The following MYO5A variants were observed in gnomAD, a reference collection of about 807,000 sequenced individuals.
MYO5A encodes the protein myosin VA, also known as unconventional myosin-Va.
A neutral mutation model predicts 249.7 loss-of-function variants in MYO5A; 98 were observed. The observed-to-expected ratio is 0.39, with a 90% CI of 0.33 to 0.46. The LOEUF (loss-of-function observed/expected upper bound fraction) is 0.46, where lower values mean the gene tolerates loss of function less well. MYO5A is among the 20% of genes least tolerant of loss of function. The probability of loss-of-function intolerance (pLI) is 0.98; values close to 1 mark genes in which losing one functional copy is unlikely to be tolerated. For missense variants in MYO5A, 1,696 were observed against 2,308.8 expected (o/e 0.73, Z 5.44); for synonymous variants, 778 against 810.6 (o/e 0.96, Z 0.68).
chr15:52,396,221 C>T, intron 11 of MYO5A, 95 bp downstream of exon 11: 2 of 799,002 alleles, frequency 2.5e-6, no homozygotes, highest in East Asian at 2.7e-5. Context: ...AATTTTAATT[C>T]ACAACTTCAT....
At chr15:52,429,074 G>A (rs933122900) in intron 2 of MYO5A, among the ~76,000 whole-genome samples, 6 of 152,088 alleles carry the variant, frequency 3.9e-5, no homozygotes, top group South Asian at 2.1e-4. Context: ...AGGCAAGTCC[G>A]GCATGTGGTA....
chr15:52,463,190 C>G (rs557614333), intron 1 of MYO5A, among the ~76,000 whole-genome samples: 1 of 152,192 alleles, frequency 6.6e-6, no homozygotes, highest in Non-Finnish European at 1.5e-5. Context: ...CATAAGCAAA[C>G]AAAGACTCTA....
intron 1 of MYO5A, among the ~76,000 whole-genome samples, chr15:52,518,494 T>C (rs371474949): frequency 4.6e-5 from 7 of 152,216 alleles, no homozygotes; most frequent in African/African-American, 1.7e-4. Context: ...TATTAAGATA[T>C]ACATTTCCCA....
intron 9 of MYO5A, among the ~76,000 whole-genome samples, chr15:52,402,966 A>T (rs1174930495): frequency 6.6e-6 from 1 of 152,262 alleles, no homozygotes; most frequent in African/African-American, 2.4e-5. Flanking sequence ...AACAAAGTTG[A>T]CAAGCACCGG....
chr15:52,347,823 A>T (rs908218844), intron 29 of MYO5A, among the ~76,000 whole-genome samples: 2 of 152,146 alleles, frequency 1.3e-5, no homozygotes, highest in African/African-American at 4.8e-5. Context: ...TGTTTTGTAA[A>T]TATTTTAGTA....
intron 12 of MYO5A, 45 bp downstream of exon 12, chr15:52,391,885 T>A (rs1595582954): frequency 6.3e-7 from 1 of 1,587,656 alleles, no homozygotes; most frequent in Non-Finnish European, 8.6e-7. Flanking sequence ...CTGACCTTGA[T>A]ACATCTATTT....
intron 25 of MYO5A, among the ~76,000 whole-genome samples, chr15:52,359,326 T>C (rs910358253): frequency 6.6e-6 from 1 of 152,230 alleles, no homozygotes; most frequent in Non-Finnish European, 1.5e-5. Flanking sequence ...TTTTAAAAGA[T>C]CTTAGAATTG....
chr15:52,417,217 T>C (rs2043544015), intron 4 of MYO5A, among the ~76,000 whole-genome samples: 3 of 152,216 alleles, frequency 2.0e-5, no homozygotes, highest in African/African-American at 7.2e-5. Context: ...TTCTTATGTG[T>C]ACAAATCTCA....
At chr15:52,503,224 G>A (rs1159415123) in intron 1 of MYO5A, among the ~76,000 whole-genome samples, 1 of 152,106 alleles carries the variant, frequency 6.6e-6, no homozygotes, top group Non-Finnish European at 1.5e-5. Flanking sequence ...AATAGGGAAG[G>A]TGATGGCTAT....
intron 1 of MYO5A, among the ~76,000 whole-genome samples, chr15:52,517,373 A>G (rs1161537951): frequency 1.3e-5 from 2 of 152,240 alleles, no homozygotes; most frequent in Non-Finnish European, 2.9e-5. Flanking sequence ...ATGACTGAAT[A>G]TTATGCTGCC....
At chr15:52,391,762 AT>A (rs1424269900) in intron 12 of MYO5A, among the ~76,000 whole-genome samples, 167 bp downstream of exon 12, 1 of 152,202 alleles carries the variant, frequency 6.6e-6, no homozygotes, top group Non-Finnish European at 1.5e-5. Context: ...TTCACTTGTA[AT>A]TAGAACCCTT....
At chr15:52,488,540 A>G (rs369738270) in intron 1 of MYO5A, among the ~76,000 whole-genome samples, 15 of 152,352 alleles carry the variant, frequency 9.8e-5, no homozygotes, top group East Asian at 5.8e-4. Context: ...AATTAATTAT[A>G]CAAGAACTCT....
intron 36 of MYO5A, 179 bp from the exon 37 acceptor site, chr15:52,323,623 T>G: frequency 3.6e-6 from 2 of 551,786 alleles, no homozygotes; most frequent in Non-Finnish European, 6.5e-6. Context: ...AGCGACCAGG[T>G]TCATCAGTTT....
rs1480298863 is a variant in MYO5A, at chr15:52,482,405, G to T, written c.27+46375C>A. Among the ~76,000 whole-genome samples the T allele has an allele frequency of 3.3e-5, 5 of 152,158 alleles. 1 individual carries two copies. The highest frequency in any genetic ancestry group is 2.9e-5 in the Non-Finnish European group (2 of 68,026). On this transcript the variant is annotated intron_variant, in intron 1 of 41. Transcript: ENST00000399233. ...TGCTGAAGAGGGAAGAGGATAGCCAGAGCTGGGAAAAAGAGGAGTCAACAT... is the reference window on the plus strand; with the variant it reads ...TGCTGAAGAGGGAAGAGGATAGCCATAGCTGGGAAAAAGAGGAGTCAACAT...
At chr15:52,482,588 T>C (rs2076736742) in intron 1 of MYO5A, among the ~76,000 whole-genome samples, 1 of 151,914 alleles carries the variant, frequency 6.6e-6, no homozygotes, top group African/African-American at 2.4e-5. Context: ...CAAAAACAAC[T>C]CAACAAGGTG....
chr15:52,378,886 C>A (rs1230666115), intron 18 of MYO5A, among the ~76,000 whole-genome samples: 8 of 152,068 alleles, frequency 5.3e-5, no homozygotes, highest in Admixed American at 2.6e-4. Context: ...ATGGCGGGGC[C>A]CAGCAATCTG....
At chr15:52,343,075 C>G in intron 31 of MYO5A, 42 bp downstream of exon 31, 1 of 1,539,602 alleles carries the variant, frequency 6.5e-7, no homozygotes, top group East Asian at 2.2e-5. Context: ...GTAAGAAAAA[C>G]AACAAATTAA....
intron 21 of MYO5A, among the ~76,000 whole-genome samples, chr15:52,371,778 G>A (rs1018252063): frequency 2.0e-5 from 3 of 151,860 alleles, no homozygotes; most frequent in African/African-American, 7.3e-5. Flanking sequence ...GCTGTGGTGG[G>A]AAGATCACTT....
intron 20 of MYO5A, among the ~76,000 whole-genome samples, chr15:52,372,995 T>A (rs2041209461): frequency 6.6e-6 from 1 of 152,100 alleles, no homozygotes; most frequent in Non-Finnish European, 1.5e-5. Context: ...GACACTCTTG[T>A]TTACCACATT....
Sources: gnomAD v4.1 joint callset for allele counts (sites outside exome capture counted in the v4.1 genomes callset) on GRCh38, gnomAD v4.1.1 for gene constraint, MANE v1.5 for transcripts, NCBI Gene and HGNC (gene_info 2026-07-23, HGNC 2026-07-21) for gene names.